Variants in GLRA3 observed in about 807,000 individuals in gnomAD.
The protein encoded by GLRA3 is glycine receptor alpha 3.
Under a neutral mutation model 60.4 loss-of-function variants are expected in GLRA3, and 44 were observed. The ratio of observed to expected loss-of-function variants is 0.73; its 90% CI spans 0.57 to 0.94. The LOEUF (loss-of-function observed/expected upper bound fraction) is 0.94, where lower values mean the gene tolerates loss of function less well. Ranked by LOEUF, GLRA3 falls within the 40% of genes least tolerant of loss-of-function variation. GLRA3 has a pLI of 0.00. For missense variants in GLRA3, 508 were observed against 564.6 expected, an observed-to-expected ratio of 0.90 and a Z score of 1.02; for synonymous variants, 223 against 192.9, an observed-to-expected ratio of 1.16 and a Z score of -1.29.
chr4:174,690,175 C>T (rs1191703893), intron 5 of GLRA3, among the ~76,000 whole-genome samples: 1 of 152,112 alleles, frequency 6.6e-6, no homozygotes, highest in Non-Finnish European at 1.5e-5. Flanking sequence ...GTTATTTAAA[C>T]ACTATAACTT....
chr4:174,750,243 CTGAT>C (rs1737413754), intron 3 of GLRA3, among the ~76,000 whole-genome samples: 1 of 152,098 alleles, frequency 6.6e-6, no homozygotes, highest in Non-Finnish European at 1.5e-5. Flanking sequence ...ATTGGCTAAA[CTGAT>C]TGCTATAGGT....
chr4:174,646,895 T>TGGCC (rs1732840720), intron 9 of GLRA3, among the ~76,000 whole-genome samples: 1 of 152,182 alleles, frequency 6.6e-6, no homozygotes, highest in African/African-American at 2.4e-5. Flanking sequence ...AGACTCAATA[T>TGGCC]GGCCAAATGT....
At chr4:174,666,201 A>G (rs908959992) in intron 7 of GLRA3, among the ~76,000 whole-genome samples, 1 of 152,158 alleles carries the variant, frequency 6.6e-6, no homozygotes, top group Non-Finnish European at 1.5e-5. Context: ...TCCAGGCTCT[A>G]TAAATTTCAT....
At position 174,639,241 on chromosome 4, in the gene GLRA3, T is replaced by C. The variant is rs564568525; in HGVS notation, c.*4545A>G. 8.5e-5 allele frequency: 13 copies of C among 152,290 alleles called. No individual in the cohort carries two copies. The highest frequency in any genetic ancestry group is 3.1e-4 in the African/African-American group (13 of 41,578). The allele number at this position is 152,290 out of a possible 1,614,324, so 9.4% of individuals were successfully genotyped here. Reference sequence around the variant, plus strand: ...GAGCTGGCCAAATCGAATGACTGCATGGTTCATATTTTCCACCAGGAATCA... The same window carrying C: ...GAGCTGGCCAAATCGAATGACTGCACGGTTCATATTTTCCACCAGGAATCA... On this transcript the variant is annotated 3_prime_UTR_variant, in exon 10 of 10. Transcript: ENST00000274093.
intron 6 of GLRA3, among the ~76,000 whole-genome samples, chr4:174,682,033 C>T (rs552519100): frequency 2.6e-5 from 4 of 152,210 alleles, no homozygotes; most frequent in East Asian, 1.9e-4. Flanking sequence ...GCTGAGTCCA[C>T]GATGAATCAT....
intron 2 of GLRA3, among the ~76,000 whole-genome samples, chr4:174,770,998 C>T (rs924556062): frequency 6.8e-6 from 1 of 146,116 alleles, no homozygotes; most frequent in Non-Finnish European, 1.5e-5. Flanking sequence ...AACCAAAAAC[C>T]ACATGTTCTC....
At chr4:174,755,711 T>G (rs1322604464) in intron 3 of GLRA3, among the ~76,000 whole-genome samples, 2 of 151,992 alleles carry the variant, frequency 1.3e-5, no homozygotes, top group African/African-American at 2.4e-5. Context: ...TTATAGAAAC[T>G]CTGACAGAGA....
chr4:174,712,761 C>T (rs993226352), intron 5 of GLRA3: 5 of 151,638 alleles, frequency 3.3e-5, no homozygotes, highest in Non-Finnish European at 5.9e-5. Flanking sequence ...TGGGTTCCAC[C>T]GATTTACAAT....
intron 7 of GLRA3, among the ~76,000 whole-genome samples, chr4:174,671,392 T>C (rs570975210): frequency 7.1e-4 from 108 of 152,274 alleles, no homozygotes; most frequent in African/African-American, 2.5e-3. Flanking sequence ...AGGGTTTTTT[T>C]TTAGAAGAAT....
intron 5 of GLRA3, among the ~76,000 whole-genome samples, chr4:174,709,104 G>A (rs1255301949): frequency 4.0e-5 from 6 of 151,886 alleles, no homozygotes; most frequent in South Asian, 4.2e-4. Context: ...AAACGTATCC[G>A]TTGAAAATTA....
chr4:174,651,416 G>GA (rs1733017487), intron 9 of GLRA3, among the ~76,000 whole-genome samples: 1 of 152,034 alleles, frequency 6.6e-6, no homozygotes, highest in African/African-American at 2.4e-5. Flanking sequence ...TAGGGTGAGA[G>GA]AAAATATATA....
At chr4:174,715,054 G>A (rs1735857038) in intron 5 of GLRA3, among the ~76,000 whole-genome samples, 1 of 152,252 alleles carries the variant, frequency 6.6e-6, no homozygotes, top group South Asian at 2.1e-4. Context: ...TTTGTGAGTT[G>A]GAGCCGAATA....
Position 174,708,986 on chromosome 4 carries a change from C to T in GLRA3, c.574+6502G>A, listed in dbSNP as rs941584210. On this transcript the variant is annotated intron_variant, in intron 5 of 9. Transcript: ENST00000274093. ...CTAGATCTTAATATAGGTAGTTGTA[C>T]CTCTTTCTCTTCTATATCATTCTAT... 3.9e-5 allele frequency among the ~76,000 whole-genome samples: 6 copies of T among 151,920 alleles called. No individual in the cohort carries two copies. The East Asian group carries it at 1.2e-3, about 29-fold the overall frequency.
Position 174,767,042 on chromosome 4 carries a change from A to T in GLRA3, c.200-12T>A. 1 of 1,520,822 alleles carries T rather than the reference A, an allele frequency of 6.6e-7. No homozygotes were observed. Among genetic ancestry groups the T allele is most frequent in the Non-Finnish European group, 9.1e-7 (1 of 1,096,718 alleles). The allele number at this position is 1,520,822 out of a possible 1,614,324, so 94.2% of individuals were successfully genotyped here. Reference sequence around the variant, plus strand: ...ATTAACTGGAGGGCCTGAAAAAGAGATGAAAACATAAGGGCTGTTTAGAGA... The same window carrying T: ...ATTAACTGGAGGGCCTGAAAAAGAGTTGAAAACATAAGGGCTGTTTAGAGA... On this transcript the variant is annotated splice_polypyrimidine_tract_variant and intron_variant, in intron 2 of 9. Transcript: ENST00000274093.
chr4:174,693,927 G>A (rs1734955133), intron 5 of GLRA3, among the ~76,000 whole-genome samples: 1 of 152,076 alleles, frequency 6.6e-6, no homozygotes, highest in African/African-American at 2.4e-5. Flanking sequence ...AAAAAGCAAG[G>A]GTTGCAATCC....
intron 2 of GLRA3, among the ~76,000 whole-genome samples, chr4:174,774,254 G>A (rs1455339004): frequency 6.6e-6 from 1 of 152,104 alleles, no homozygotes; most frequent in Non-Finnish European, 1.5e-5. Context: ...GTTAAAATAT[G>A]GAAACTTAGA....
At chr4:174,798,906 G>C (rs754670591) in intron 1 of GLRA3, among the ~76,000 whole-genome samples, 8 of 151,966 alleles carry the variant, frequency 5.3e-5, no homozygotes, top group African/African-American at 9.7e-5. Context: ...GGGCGACAGA[G>C]GGAGACTCTG....
At chr4:174,787,383 T>G (rs1046029699) in intron 2 of GLRA3, among the ~76,000 whole-genome samples, 7 of 152,120 alleles carry the variant, frequency 4.6e-5, no homozygotes, top group Non-Finnish European at 1.0e-4. Flanking sequence ...CAACTGCATA[T>G]TTTTGAAGAT....
At chr4:174,812,955 G>C (rs565559256) in intron 1 of GLRA3, among the ~76,000 whole-genome samples, 7 of 152,206 alleles carry the variant, frequency 4.6e-5, no homozygotes, top group African/African-American at 1.7e-4. Context: ...GTTATTTCCT[G>C]TGGCAATAAG....
Sources: gnomAD v4.1 joint callset for allele counts (sites outside exome capture counted in the v4.1 genomes callset) on GRCh38, gnomAD v4.1.1 for gene constraint, MANE v1.5 for transcripts, NCBI Gene and HGNC (gene_info 2026-07-23, HGNC 2026-07-21) for gene names.